Variants in MASP1 observed in about 807,000 individuals in gnomAD.
MASP1 encodes the protein mannan-binding lectin serine protease 1.
Under a neutral mutation model 77.1 loss-of-function variants are expected in MASP1, and 59 were observed. That is an observed-to-expected ratio of 0.77 (90% CI 0.62 to 0.95). MASP1 has a LOEUF of 0.95. Among genes scored for constraint, MASP1 ranks in the 40% least tolerant of loss-of-function variants. The probability of loss-of-function intolerance (pLI) is 0.00; values close to 1 mark genes in which losing one functional copy is unlikely to be tolerated. For missense variants in MASP1, 885 were observed against 912.9 expected (o/e 0.97, Z 0.39); for synonymous variants, 362 against 354.5 (o/e 1.02, Z -0.24).
Position 187,236,352 on chromosome 3 carries a change from T to C in MASP1, c.1519A>G (p.Thr507Ala). 1 of 1,614,206 alleles carries C rather than the reference T, an allele frequency of 6.2e-7. No individual in the cohort carries two copies. The highest frequency in any genetic ancestry group is 8.5e-7 in the Non-Finnish European group (1 of 1,180,038). Residue 507 changes from threonine (T) to alanine (A), a missense_variant, in exon 11 of 11, where the codon ACG becomes GCG. Thr to Ala is a moderately conservative substitution (Grantham distance 58). Coordinates refer to ENST00000296280, the MANE Select transcript of MASP1 (RefSeq NM_139125.4). ...HVLRSQRRDT[T>A]VIPVSKEHVT... ...TGCTCCTTGGAGACTGGTATCACCG[T>C]GGTGTCTCTACGCTGGGAGCGCAGC...
At chr3:187,269,156 C>G (rs16861810) in intron 2 of MASP1, among the ~76,000 whole-genome samples, 6,535 of 152,048 alleles carry the variant, frequency 0.043, 466 homozygotes, top group African/African-American at 0.15. Context: ...TTGTTAAGAC[C>G]TAGAAGATTT....
At chr3:187,246,107 C>T (rs1011070553) in intron 8 of MASP1, among the ~76,000 whole-genome samples, 2 of 152,320 alleles carry the variant, frequency 1.3e-5, no homozygotes, top group Non-Finnish European at 2.9e-5. Context: ...CCCTGCTGCA[C>T]GGGGCACCCT....
downstream of MASP1, chr3:187,233,996 T>C (rs908273089): frequency 1.4e-5 from 14 of 967,008 alleles, no homozygotes; most frequent in Non-Finnish European, 1.9e-5. Flanking sequence ...GAGATTTTGG[T>C]TTAATGAGGA....
At chr3:187,240,726 G>C (rs1713569038) in intron 10 of MASP1, among the ~76,000 whole-genome samples, 1 of 152,098 alleles carries the variant, frequency 6.6e-6, no homozygotes, top group Non-Finnish European at 1.5e-5. Flanking sequence ...CTGCCCCCTG[G>C]GTTCAAGCAA....
intron 11 of MASP1, among the ~76,000 whole-genome samples, chr3:187,229,073 A>G (rs191426062): frequency 6.6e-6 from 1 of 152,332 alleles, no homozygotes; most frequent in East Asian, 1.9e-4. Context: ...TAGATAGCCT[A>G]GATTGCTATT....
intron 2 of MASP1, among the ~76,000 whole-genome samples, chr3:187,276,238 T>C (rs1308314191): frequency 2.0e-5 from 3 of 152,192 alleles, no homozygotes; most frequent in Non-Finnish European, 4.4e-5. Flanking sequence ...AGAGCCCTGC[T>C]CTATTTTATT....
At chr3:187,258,875 A>C (rs1715323823) in intron 4 of MASP1, among the ~76,000 whole-genome samples, 1 of 152,158 alleles carries the variant, frequency 6.6e-6, no homozygotes, top group African/African-American at 2.4e-5. Flanking sequence ...GCAACCCTGG[A>C]GTTGCTCTGA....
chr3:187,227,899 G>T (rs1328517683), intron 11 of MASP1, among the ~76,000 whole-genome samples: 1 of 152,114 alleles, frequency 6.6e-6, no homozygotes, highest in African/African-American at 2.4e-5. Context: ...TTAATGAGGT[G>T]CTTTCCCCTT....
chr3:187,262,838 C>T, intron 2 of MASP1, 118 bp from the exon 3 acceptor site: 1 of 850,390 alleles, frequency 1.2e-6, no homozygotes, highest in Non-Finnish European at 1.9e-6. Flanking sequence ...GCCTGAGAAA[C>T]CCAAAGAAAG....
chr3:187,273,222 G>A (rs1254752726), intron 2 of MASP1, among the ~76,000 whole-genome samples: 1 of 152,148 alleles, frequency 6.6e-6, no homozygotes, highest in African/African-American at 2.4e-5. Context: ...TTCCCCTTTT[G>A]TGAGGATTCA....
intron 2 of MASP1, among the ~76,000 whole-genome samples, chr3:187,267,960 CTT>C (rs1644896915): frequency 1.3e-5 from 2 of 152,334 alleles, no homozygotes; most frequent in South Asian, 4.1e-4. Flanking sequence ...CTCATAAAGA[CTT>C]TGCTTTCCTG....
At chr3:187,274,475 T>A (rs9683277) in intron 2 of MASP1, among the ~76,000 whole-genome samples, 1,633 of 152,168 alleles carry the variant, frequency 0.011, 33 homozygotes, top group African/African-American at 0.038. Flanking sequence ...ACACAGCTGA[T>A]AAGCCACCTG....
chr3:187,288,367 G>A (rs1392987706), intron 1 of MASP1, among the ~76,000 whole-genome samples: 1 of 152,202 alleles, frequency 6.6e-6, no homozygotes, highest in Non-Finnish European at 1.5e-5. Flanking sequence ...TGTTAACAGG[G>A]CTGGGAGTTC....
intron 12 of MASP1, chr3:187,226,107 G>T: frequency 2.3e-6 from 1 of 427,756 alleles, no homozygotes. Flanking sequence ...GATCGTATAT[G>T]TATGATCTAT....
At chr3:187,246,126 G>T (rs1714061683) in intron 8 of MASP1, among the ~76,000 whole-genome samples, 1 of 152,172 alleles carries the variant, frequency 6.6e-6, no homozygotes, top group Admixed American at 6.5e-5. Flanking sequence ...CTGTGTCCAT[G>T]CTCTGGCCAC....
chr3:187,260,478 G>A (rs939970103), intron 4 of MASP1, among the ~76,000 whole-genome samples: 3 of 152,192 alleles, frequency 2.0e-5, no homozygotes, highest in African/African-American at 4.8e-5. Context: ...TAGGATAGGA[G>A]ACAGCAACCT....
chr3:187,242,147 A>G (rs560073183), intron 9 of MASP1: 2 of 153,370 alleles, frequency 1.3e-5, no homozygotes, highest in African/African-American at 4.8e-5. Flanking sequence ...ATAAGCATAC[A>G]TTTGTGGCCA....
intron 8 of MASP1, among the ~76,000 whole-genome samples, chr3:187,248,704 G>A (rs575798201): frequency 3.9e-4 from 60 of 152,188 alleles, no homozygotes; most frequent in South Asian, 2.5e-3. Context: ...TGTCTTTTCC[G>A]TCCGACTTCC....
At chr3:187,226,452 G>C (rs775254504) in exon 12 of MASP1, 1 of 1,612,990 alleles carries the variant, frequency 6.2e-7, no homozygotes, top group Non-Finnish European at 8.5e-7. Context: ...TCTGAATCAC[G>C]TAGGGTCGGA....
Sources: gnomAD v4.1 joint callset for allele counts (sites outside exome capture counted in the v4.1 genomes callset) on GRCh38, gnomAD v4.1.1 for gene constraint, MANE v1.5 for transcripts, NCBI Gene and HGNC (gene_info 2026-07-23, HGNC 2026-07-21) for gene names.